Variants in ZNF74 observed in about 807,000 individuals in gnomAD.
ZNF74 encodes the protein zinc finger protein 74, also known as zinc finger protein 520.
A neutral mutation model predicts 17.7 loss-of-function variants in ZNF74; 12 were observed. That is an observed-to-expected ratio of 0.68 (90% CI 0.43 to 1.10). The LOEUF (loss-of-function observed/expected upper bound fraction) is 1.10, where lower values mean the gene tolerates loss of function less well. Ranked by LOEUF, ZNF74 falls within the 50% of genes least tolerant of loss-of-function variation. The pLI is 0.00. For missense variants in ZNF74, 811 were observed against 881.0 expected, an observed-to-expected ratio of 0.92 and a Z score of 1.01; for synonymous variants, 358 against 362.1, an observed-to-expected ratio of 0.99 and a Z score of 0.13.
At position 20,406,789 on chromosome 22, in the gene ZNF74, A is replaced by G. The variant is rs140118136; in HGVS notation, c.1756A>G (p.Ile586Val). The G allele has an allele frequency of 1.3e-5, 21 of 1,614,120 alleles. No homozygotes were observed. Among genetic ancestry groups the G allele is most frequent in the Non-Finnish European group, 1.5e-5 (18 of 1,180,022 alleles). The change falls in exon 5 of 5, where the codon ATC becomes GTC. Residue 586 changes from isoleucine to valine, a missense_variant. Coordinates refer to ENST00000400451, the MANE Select transcript of ZNF74 (RefSeq NM_003426.4). Reference protein sequence around the residue: ...RLHSEGKPLAIQFNKHLLSTY... With the variant: ...RLHSEGKPLAVQFNKHLLSTY... ...GCACAGCGAGGGGAAGCCCTTGGCC[A>G]TCCAGTTCAACAAACACCTGCTCAG...
At position 20,394,598 on chromosome 22, in the gene ZNF74, C is replaced by T; in HGVS notation, c.-31C>T. ...GGATCCTGGAGGCTACACAGCTGCCCACTCCTCCTGGGGAGGCTGCCGTGG... is the reference window on the plus strand; with the variant it reads ...GGATCCTGGAGGCTACACAGCTGCCTACTCCTCCTGGGGAGGCTGCCGTGG... On this transcript the variant is annotated 5_prime_UTR_variant, in exon 1 of 5. Transcript: ENST00000400451. The T allele has an allele frequency of 6.2e-7, 1 of 1,613,544 alleles. No homozygotes were observed. Among genetic ancestry groups the T allele is most frequent in the Non-Finnish European group, 8.5e-7 (1 of 1,179,512 alleles).
rs2052263870 is a variant in ZNF74, at chr22:20,394,229, G to A, written c.-400G>A. The A allele has an allele frequency of 1.4e-6, 1 of 700,914 alleles. No individual in the cohort carries two copies. The highest frequency in any genetic ancestry group is 2.0e-5 in the Admixed American group (1 of 49,528). The allele number at this position is 700,914 out of a possible 1,614,324, so 43.4% of individuals were successfully genotyped here. A position where few individuals can be genotyped will look rare whatever the true frequency, so the allele number is the denominator to read the frequency against. On this transcript the variant is annotated 5_prime_UTR_variant, in exon 1 of 5. Coordinates refer to ENST00000400451, the MANE Select transcript of ZNF74 (RefSeq NM_003426.4). ...GGTCTGTCCACTTGCCGGTCCCTCA[G>A]ACCGTCGGCGGTCTCTGTCCGCTTC...
intron 4 of ZNF74, among the ~76,000 whole-genome samples, chr22:20,403,976 G>C (rs900687587): frequency 8.5e-5 from 13 of 152,104 alleles, no homozygotes; most frequent in African/African-American, 3.1e-4. Context: ...TGCACATGCT[G>C]TTCACTCTCC....
At chr22:20,395,454 G>A in intron 2 of ZNF74, 36 bp downstream of exon 2, 1 of 1,514,660 alleles carries the variant, frequency 6.6e-7, no homozygotes, top group Non-Finnish European at 9.1e-7. Context: ...TTTATGAAGA[G>A]GGTTGGCACA....
At chr22:20,399,998 T>C (rs12330004) in intron 2 of ZNF74, 1,624 of 157,068 alleles carry the variant, frequency 0.01, 40 homozygotes, top group African/African-American at 0.037. Context: ...TGGCATCTAT[T>C]TGATCCTTTC....
Position 20,401,382 on chromosome 22 carries a change from G to A in ZNF74, c.343+10G>A. 3 of 1,577,800 alleles carry A rather than the reference G, an allele frequency of 1.9e-6. No individual in the cohort carries two copies. The highest frequency in any genetic ancestry group is 1.7e-4 in the Middle Eastern group (1 of 5,806). On this transcript the variant is annotated intron_variant, in intron 4 of 4. Coordinates refer to ENST00000400451, the MANE Select transcript of ZNF74 (RefSeq NM_003426.4). This position sits in a 1 kb window ranked among gnomAD's most constrained non-coding sequence, Gnocchi z 4.2. ...AGAGGGCCCTGTCCAGGTGAGCAGA[G>A]GCACAGGTGGAAGGGTGCCAGCCCC...
At position 20,407,720 on chromosome 22, in the gene ZNF74, G is replaced by C. The variant is rs1247168525; in HGVS notation, c.*752G>C. On this transcript the variant is annotated 3_prime_UTR_variant, in exon 5 of 5. Transcript: ENST00000400451. ...AACATTATTATATTGCTAGAGAGGA[G>C]AATAATCTTGGGTGGTGGGCATTTG... is the stretch of plus-strand genomic sequence containing the variant. 6.6e-6 allele frequency: 1 copy of C among 152,220 alleles called. No homozygotes were observed. The highest frequency in any genetic ancestry group is 1.5e-5 in the Non-Finnish European group (1 of 68,048). The allele number at this position is 152,220 out of a possible 1,614,324, so 9.4% of individuals were successfully genotyped here.
At chr22:20,399,408 G>C in intron 2 of ZNF74, 1 of 190,728 alleles carries the variant, frequency 5.2e-6, no homozygotes, top group Non-Finnish European at 1.1e-5. Flanking sequence ...GTATTTGCAG[G>C]GTTTATCTTT....
Position 20,401,980 on chromosome 22 carries a change from G to T in ZNF74, c.343+608G>T, listed in dbSNP as rs2052363708. On this transcript the variant is annotated intron_variant, in intron 4 of 4. Transcript: ENST00000400451. The surrounding 1 kb of genome is among the most constrained non-coding windows in gnomAD (Gnocchi z 4.2). ...AGCCCTCCGTAAGGGAAAGGGGACTGGGGTGGGTGTTGAGCAGAAGGTAGT... is the reference window on the plus strand; with the variant it reads ...AGCCCTCCGTAAGGGAAAGGGGACTTGGGTGGGTGTTGAGCAGAAGGTAGT... Among the ~76,000 whole-genome samples the T allele has an allele frequency of 6.6e-6, 1 of 152,228 alleles. No individual in the cohort carries two copies. The highest frequency in any genetic ancestry group is 1.5e-5 in the Non-Finnish European group (1 of 68,038).
chr22:20,407,127 T>C lies in ZNF74; in HGVS notation c.*159T>C, dbSNP rs2052441828. The C allele has an allele frequency of 3.3e-6, 4 of 1,198,926 alleles. No homozygotes were observed. Among genetic ancestry groups the C allele is most frequent in the African/African-American group, 1.5e-5 (1 of 64,946 alleles). 74.3% of individuals were successfully genotyped at this position (1,198,926 alleles called of 1,614,324 possible). On this transcript the variant is annotated 3_prime_UTR_variant, in exon 5 of 5. Coordinates refer to ENST00000400451, the MANE Select transcript of ZNF74 (RefSeq NM_003426.4). The stretch of plus-strand genomic sequence containing the variant: ...CTGCATGCCAGGGTGCCTCCTCTAG[T>C]TAAAGTCAGTCACCTCCCCAGAAGG...
At chr22:20,397,853 T>A (rs2052312801) in intron 2 of ZNF74, among the ~76,000 whole-genome samples, 2 of 152,144 alleles carry the variant, frequency 1.3e-5, no homozygotes, top group African/African-American at 4.8e-5. Context: ...CAGGGTTGAT[T>A]TCTTCTGAGG....
intron 4 of ZNF74, among the ~76,000 whole-genome samples, chr22:20,404,196 T>C (rs1189232378): frequency 6.6e-6 from 1 of 152,184 alleles, no homozygotes; most frequent in Non-Finnish European, 1.5e-5. Flanking sequence ...AGCCTTCTTA[T>C]TGAATAAGTG....
In ZNF74 at chr22:20,405,411, G is replaced by A; in HGVS notation, c.378G>A (p.Gln126=). 1 of 1,613,074 alleles carries A rather than the reference G, an allele frequency of 6.2e-7. No homozygotes were observed. Among genetic ancestry groups the A allele is most frequent in the Non-Finnish European group, 8.5e-7 (1 of 1,179,816 alleles). Residue 126 remains glutamine, a synonymous_variant, in exon 5 of 5, where the codon CAG becomes CAA. Transcript: ENST00000400451. ...TGAAGGCGGTGCCCTCTCAACAGCA[G>A]GGCATTTGCAAAGAAGAACCGGCCC... ...WELKAVPSQQ[Q]GICKEEPAQE... is the part of the protein sequence containing the mutation.
At chr22:20,395,506 C>A in intron 2 of ZNF74, 88 bp downstream of exon 2, 2 of 1,016,600 alleles carry the variant, frequency 2.0e-6, no homozygotes, top group Non-Finnish European at 3.0e-6. Flanking sequence ...CACAGACCTT[C>A]ACCCGGGTAC....
At chr22:20,396,167 TG>T (rs60495056) in intron 2 of ZNF74, among the ~76,000 whole-genome samples, 23,460 of 148,290 alleles carry the variant, frequency 0.16, 2,715 homozygotes, top group East Asian at 0.32. Flanking sequence ...TTTGGGTTTT[TG>T]TTTTTTTTTT....
At chr22:20,398,316 C>CAAA (rs362022) in intron 2 of ZNF74, among the ~76,000 whole-genome samples, 1 of 128,180 alleles carries the variant, frequency 7.8e-6, no homozygotes. Flanking sequence ...GACCATGTCT[C>CAAA]AAAAAAAAAA....
chr22:20,402,404 A>G (rs1334565866), intron 4 of ZNF74, among the ~76,000 whole-genome samples: 1 of 152,222 alleles, frequency 6.6e-6, no homozygotes, highest in Non-Finnish European at 1.5e-5. Context: ...CTGAAAGGTT[A>G]CTGAAATCCT....
chr22:20,397,680 ATTG>A (rs1303397282), intron 2 of ZNF74, among the ~76,000 whole-genome samples: 1 of 152,114 alleles, frequency 6.6e-6, no homozygotes, highest in Non-Finnish European at 1.5e-5. Flanking sequence ...GTTTATCCAT[ATTG>A]TTGTGTGAAT....
rs372981190 is a variant in ZNF74, at chr22:20,405,799, G to A, written c.766G>A (p.Ala256Thr). 32 of 1,612,362 alleles carry A rather than the reference G, an allele frequency of 2.0e-5. No individual in the cohort carries two copies. The highest frequency in any genetic ancestry group is 2.7e-5 in the Non-Finnish European group (32 of 1,179,662). ...GTTCGTGTGCGGCGAGTGCGGGAAG[G>A]CGTTCCGCCAGAGCTCCTCCCTCAC... is the stretch of plus-strand genomic sequence containing the variant. ...GEFVCGECGKAFRQSSSLTLH... is the reference protein window; with the variant it reads ...GEFVCGECGKTFRQSSSLTLH... Residue 256 changes from alanine to threonine, a missense_variant, in exon 5 of 5, where the codon GCG (alanine) becomes ACG (threonine). Around this residue, in one of 3 missense-constraint regions of ZNF74, gnomAD observed 666 missense variants for 702.3 expected, o/e 0.95. Coordinates refer to ENST00000400451, the MANE Select transcript of ZNF74 (RefSeq NM_003426.4).
Sources: gnomAD v4.1 joint callset for allele counts (sites outside exome capture counted in the v4.1 genomes callset) on GRCh38, gnomAD v4.1.1 for gene constraint, gnomAD v4.1.1 regional missense constraint, Gnocchi (gnomAD v3.1) non-coding constraint, MANE v1.5 for transcripts, NCBI Gene and HGNC (gene_info 2026-07-23, HGNC 2026-07-21) for gene names.